Variants in UGT2A2 observed in about 807,000 individuals in gnomAD.
The protein encoded by UGT2A2 is UDP-glucuronosyltransferase 2A2.
Under a neutral mutation model 50.7 loss-of-function variants are expected in UGT2A2, and 60 were observed. The observed-to-expected ratio is 1.18, with a 90% CI of 0.96 to 1.47. The LOEUF (loss-of-function observed/expected upper bound fraction) is 1.47. UGT2A2 is among the 40% of genes most tolerant of loss of function. The probability of loss-of-function intolerance (pLI) is 0.00; values close to 1 mark genes in which losing one functional copy is unlikely to be tolerated. For missense variants in UGT2A2, 762 were observed against 634.0 expected (o/e 1.20, Z -2.17); for synonymous variants, 242 against 214.6 (o/e 1.13, Z -1.11).
At chr4:69,605,395 C>A (rs1231578226) in intron 1 of UGT2A2, among the ~76,000 whole-genome samples, 2 of 136,620 alleles carry the variant, frequency 1.5e-5, no homozygotes, top group Non-Finnish European at 3.1e-5. Context: ...CACAACATAC[C>A]AGAATCTCTG....
chr4:69,597,732 A>G (rs1003610151), intron 2 of UGT2A2, among the ~76,000 whole-genome samples: 3 of 152,042 alleles, frequency 2.0e-5, no homozygotes, highest in African/African-American at 7.2e-5. Flanking sequence ...ACACACACAC[A>G]CACAAACATA....
At chr4:69,591,351 G>A (rs894646938) in intron 5 of UGT2A2, among the ~76,000 whole-genome samples, 2 of 152,170 alleles carry the variant, frequency 1.3e-5, no homozygotes, top group Non-Finnish European at 2.9e-5. Flanking sequence ...ACAACTTGAA[G>A]TGGGGGTGCA....
At chr4:69,627,457 C>G (rs1275615340) in intron 1 of UGT2A2, among the ~76,000 whole-genome samples, 1 of 62,982 alleles carries the variant, frequency 1.6e-5, no homozygotes. Flanking sequence ...CATAGGCAGA[C>G]AGGCAAGCAG....
intron 1 of UGT2A2, among the ~76,000 whole-genome samples, chr4:69,605,429 G>C (rs1719550157): frequency 7.3e-6 from 1 of 136,874 alleles, no homozygotes; most frequent in Non-Finnish European, 1.6e-5. Flanking sequence ...GCAGTGTGTA[G>C]AGGGAAATTT....
In UGT2A2 at chr4:69,589,122, T is replaced by G. The variant is rs566089567; in HGVS notation, c.*250A>C. 1.8e-4 allele frequency: 59 copies of G among 334,018 alleles called. No individual in the cohort carries two copies. The highest frequency in any genetic ancestry group is 1.2e-3 in the African/African-American group (58 of 47,482). 20.7% of individuals were successfully genotyped at this position (334,018 alleles called of 1,614,324 possible). A position where few individuals can be genotyped will look rare whatever the true frequency, so the allele number is the denominator to read the frequency against. On this transcript the variant is annotated 3_prime_UTR_variant, in exon 6 of 6. Coordinates refer to ENST00000604629, the MANE Select transcript of UGT2A2 (RefSeq NM_001105677.2). ...AGGTAGTATCCTTGTGTCAGAAAAG[T>G]GACAGGAAGAGGGTATAGTCAGCAG...
rs181198760 is a variant in UGT2A2 at position 69,603,683 on chromosome 4, A to T, written c.743-4289T>A. The stretch of plus-strand genomic sequence containing the variant: ...AAAAACCTTGAAAAAAAATTAGACG[A>T]ATGGCTAACTAGAATCACCAATGAA... On this transcript the variant is annotated intron_variant, in intron 1 of 5. Transcript: ENST00000604629. 2 of 136,264 alleles carry T rather than the reference A, an allele frequency of 1.5e-5. 1 individual carries two copies. The highest frequency in any genetic ancestry group is 1.4e-4 in the Admixed American group (2 of 13,830). The allele number at this position is 136,264 out of a possible 1,614,324, so 8.4% of individuals were successfully genotyped here.
intron 1 of UGT2A2, among the ~76,000 whole-genome samples, chr4:69,632,313 G>A (rs966584799): frequency 1.3e-5 from 2 of 152,126 alleles, no homozygotes; most frequent in African/African-American, 4.8e-5. Context: ...TTAATAAGGG[G>A]TCTGCATTAA....
intron 1 of UGT2A2, among the ~76,000 whole-genome samples, chr4:69,611,923 C>T (rs1378318040): frequency 6.6e-6 from 1 of 152,096 alleles, no homozygotes; most frequent in Non-Finnish European, 1.5e-5. Context: ...CTCACTCTTA[C>T]AAATAAATTC....
intron 1 of UGT2A2, among the ~76,000 whole-genome samples, chr4:69,620,012 A>G (rs970179039): frequency 1.3e-5 from 2 of 152,008 alleles, no homozygotes; most frequent in East Asian, 3.9e-4. Flanking sequence ...TATATGACAA[A>G]CCCCCAGCCA....
chr4:69,634,724 G>A (rs1396604424), intron 1 of UGT2A2, among the ~76,000 whole-genome samples: 1 of 152,048 alleles, frequency 6.6e-6, no homozygotes, highest in Non-Finnish European at 1.5e-5. Flanking sequence ...ATCCTTTTAT[G>A]ATGAAAATTT....
intron 1 of UGT2A2, among the ~76,000 whole-genome samples, chr4:69,633,011 A>G (rs1721473327): frequency 6.6e-6 from 1 of 152,140 alleles, no homozygotes; most frequent in African/African-American, 2.4e-5. Context: ...CATGATGTTA[A>G]AGTTGAAATG....
At chr4:69,625,145 A>C (rs750827036) in intron 1 of UGT2A2, among the ~76,000 whole-genome samples, 1 of 147,922 alleles carries the variant, frequency 6.8e-6, no homozygotes, top group Non-Finnish European at 1.5e-5. Flanking sequence ...ATTGCTTTCA[A>C]TGAGAAGTCT....
intron 1 of UGT2A2, among the ~76,000 whole-genome samples, chr4:69,628,253 A>T (rs1560487231): frequency 1.3e-5 from 2 of 150,202 alleles, no homozygotes; most frequent in African/African-American, 4.9e-5. Context: ...AAGAAATAGA[A>T]AAAACAAAAC....
At chr4:69,601,093 G>A (rs1408143957) in intron 1 of UGT2A2, among the ~76,000 whole-genome samples, 2 of 152,156 alleles carry the variant, frequency 1.3e-5, no homozygotes, top group East Asian at 3.9e-4. Flanking sequence ...CTGCAAATGT[G>A]AGAACTGCCT....
chr4:69,617,407 A>C (rs1405731317), intron 1 of UGT2A2, among the ~76,000 whole-genome samples: 1 of 151,982 alleles, frequency 6.6e-6, no homozygotes. Flanking sequence ...GTTTATACAA[A>C]GATATAATAT....
intron 1 of UGT2A2, among the ~76,000 whole-genome samples, chr4:69,608,588 A>G (rs1231245680): frequency 2.0e-5 from 3 of 152,040 alleles, no homozygotes; most frequent in African/African-American, 7.2e-5. Context: ...AAAAAAGAAA[A>G]TAGGTAGGCT....
rs1718805388 is a variant in UGT2A2, at chr4:69,594,623, G to A, written c.1185C>T (p.Val395=). 4 of 1,614,000 alleles carry A rather than the reference G, an allele frequency of 2.5e-6. No individual in the cohort carries two copies. In the Admixed American group the frequency reaches 6.7e-5, roughly 27 times the overall value. ...CAAACATGGGAACTCCCACCATAGG[G>A]ACTCCGTGGTAAATAGCTTCGTAGA... The part of the protein sequence containing the change: ...NGIYEAIYHG[V]PMVGVPMFAD... The change falls in exon 5 of 6, where the codon GTC becomes GTT. Residue 395 remains valine, a synonymous_variant. Transcript: ENST00000604629.
Position 69,602,465 on chromosome 4 carries a change from A to G in UGT2A2, c.743-3071T>C, listed in dbSNP as rs1719352389. The stretch of plus-strand genomic sequence containing the variant: ...TAGAATAACAAAGATTTAGGAGTTT[A>G]TCTATCTATCTATCTATCTATCTAT... On this transcript the variant is annotated intron_variant, in intron 1 of 5. Coordinates refer to ENST00000604629, the MANE Select transcript of UGT2A2 (RefSeq NM_001105677.2). Among the ~76,000 whole-genome samples, 2 of 57,896 alleles carry G rather than the reference A, an allele frequency of 3.5e-5. 1 individual carries two copies. Among genetic ancestry groups the G allele is most frequent in the African/African-American group, 1.6e-4 (2 of 12,618 alleles). 38.0% of individuals were successfully genotyped at this position (57,896 alleles called of 152,430 possible).
intron 2 of UGT2A2, 132 bp from the exon 3 acceptor site, chr4:69,596,513 T>G (rs1718942605): frequency 8.0e-7 from 1 of 1,251,740 alleles, no homozygotes; most frequent in Non-Finnish European, 1.0e-6. Context: ...TTCTGACATG[T>G]AGAAAGATCT....
Sources: gnomAD v4.1 joint callset for allele counts (sites outside exome capture counted in the v4.1 genomes callset) on GRCh38, gnomAD v4.1.1 for gene constraint, MANE v1.5 for transcripts, NCBI Gene and HGNC (gene_info 2026-07-23, HGNC 2026-07-21) for gene names.